Variants in CFAP20DC observed in about 807,000 individuals in gnomAD.
The protein encoded by CFAP20DC is CFAP20 domain containing.
In CFAP20DC, 84 loss-of-function variants were observed where a neutral mutation model predicts 101.7. The observed-to-expected ratio is 0.83, with a 90% CI of 0.69 to 0.99. CFAP20DC has a LOEUF of 0.99. Ranked by LOEUF, CFAP20DC falls within the 50% of genes least tolerant of loss-of-function variation. The pLI is 0.00. For synonymous variants in CFAP20DC, 359 were observed against 351.2 expected (o/e 1.02, Z -0.25); for missense variants, 1,007 against 970.3 (o/e 1.04, Z -0.50).
At chr3:58,866,468 G>A (rs1188163178) in intron 11 of CFAP20DC, 98 bp downstream of exon 11, 7 of 954,686 alleles carry the variant, frequency 7.3e-6, no homozygotes, top group Admixed American at 2.7e-5. Flanking sequence ...TTAGCAAATC[G>A]GCTGCATCAC....
intron 5 of CFAP20DC, among the ~76,000 whole-genome samples, chr3:58,932,953 G>T (rs1035834864): frequency 6.6e-6 from 1 of 152,142 alleles, no homozygotes; most frequent in African/African-American, 2.4e-5. Context: ...TGGACTAAAT[G>T]CTCCAATTAA....
At chr3:58,928,128 C>T (rs547082553) in intron 5 of CFAP20DC, among the ~76,000 whole-genome samples, 1 of 152,110 alleles carries the variant, frequency 6.6e-6, no homozygotes, top group Non-Finnish European at 1.5e-5. Flanking sequence ...TGATCACTTA[C>T]TATATGCCAT....
At chr3:58,996,069 T>C (rs1399813028) in intron 4 of CFAP20DC, among the ~76,000 whole-genome samples, 3 of 151,942 alleles carry the variant, frequency 2.0e-5, no homozygotes, top group Non-Finnish European at 4.4e-5. Flanking sequence ...TAATTACTAA[T>C]TTCATGTTAA....
Position 59,000,965 on chromosome 3 carries a change from TA to T in CFAP20DC, c.278+38591del, listed in dbSNP as rs143983377. ...TGAGAAAGTATAAAAGAAAACTTGATAGGGGGAAAAAGGAAAATGGATTTAA... is the reference window on the plus strand; with the variant it reads ...TGAGAAAGTATAAAAGAAAACTTGATGGGGGAAAAAGGAAAATGGATTTAA... On this transcript the variant is annotated intron_variant, in intron 4 of 16. Coordinates refer to ENST00000482387, the MANE Select transcript of CFAP20DC (RefSeq NM_001394063.1). 1.6e-3 allele frequency among the ~76,000 whole-genome samples: 243 copies of T among 151,964 alleles called. 5 individuals carry two copies. The East Asian group carries it at 0.033, about 20-fold the overall frequency.
chr3:59,035,536 AAACT>A (rs1247169635), intron 4 of CFAP20DC, among the ~76,000 whole-genome samples: 2 of 152,218 alleles, frequency 1.3e-5, no homozygotes, highest in Non-Finnish European at 2.9e-5. Flanking sequence ...ACAGAAAAAC[AAACT>A]ATCATCAGAG....
chr3:59,037,254 T>C (rs942787440), intron 4 of CFAP20DC, among the ~76,000 whole-genome samples: 1 of 152,028 alleles, frequency 6.6e-6, no homozygotes, highest in African/African-American at 2.4e-5. Flanking sequence ...CCAAAAGCAA[T>C]GGCAACAAAA....
intron 14 of CFAP20DC, among the ~76,000 whole-genome samples, chr3:58,807,633 A>C (rs544441329): frequency 6.6e-6 from 1 of 152,314 alleles, no homozygotes; most frequent in Admixed American, 6.5e-5. Flanking sequence ...AGAGCACAAA[A>C]ACTGGAAACT....
At chr3:58,898,189 T>G (rs1368707481) in intron 6 of CFAP20DC, among the ~76,000 whole-genome samples, 10 of 152,008 alleles carry the variant, frequency 6.6e-5, no homozygotes, top group Admixed American at 1.3e-4. Flanking sequence ...TTTTTTTTTT[T>G]TGTGAGATAG....
rs139451081 is a variant in CFAP20DC at position 58,816,563 on chromosome 3, G to A, written c.2176-10107C>T. 9.6e-3 allele frequency among the ~76,000 whole-genome samples: 1,461 copies of A among 152,268 alleles called. 20 individuals carry two copies. The highest frequency in any genetic ancestry group is 0.034 in the African/African-American group (1,406 of 41,562). On this transcript the variant is annotated intron_variant, in intron 14 of 16. Transcript: ENST00000482387. ...CTGGAAAATCGGGTGACTCCCACCC[G>A]AATATTGCACTTTTCAGACCGGCTT...
At chr3:58,762,688 T>G (rs1348921322) in intron 15 of CFAP20DC, among the ~76,000 whole-genome samples, 1 of 152,238 alleles carries the variant, frequency 6.6e-6, no homozygotes, top group Non-Finnish European at 1.5e-5. Context: ...GTTGTTCCTT[T>G]CCATGTTTAG....
At chr3:58,910,018 G>C (rs1347198116) in intron 6 of CFAP20DC, among the ~76,000 whole-genome samples, 1 of 152,080 alleles carries the variant, frequency 6.6e-6, no homozygotes, top group Non-Finnish European at 1.5e-5. Flanking sequence ...GTTAGCTGAG[G>C]ATGATGGCTT....
chr3:58,782,060 TA>T (rs1430475993), intron 15 of CFAP20DC, among the ~76,000 whole-genome samples: 6 of 151,982 alleles, frequency 3.9e-5, no homozygotes, highest in East Asian at 1.9e-4. Flanking sequence ...AACATTATAT[TA>T]AAAAAATTAA....
At chr3:59,047,335 C>A in intron 1 of CFAP20DC, 81 bp from the exon 2 acceptor site, 1 of 907,402 alleles carries the variant, frequency 1.1e-6, no homozygotes. Flanking sequence ...CCAGTGTTCC[C>A]GGCATCTGTC....
chr3:58,991,656 A>C (rs1233176017), intron 4 of CFAP20DC, among the ~76,000 whole-genome samples: 1 of 152,118 alleles, frequency 6.6e-6, no homozygotes, highest in Non-Finnish European at 1.5e-5. Flanking sequence ...CAGGCATTAG[A>C]TTCTCATAAG....
In CFAP20DC at chr3:58,795,785, C is replaced by T. The variant is rs1231518433; in HGVS notation, c.2237+10610G>A. Among the ~76,000 whole-genome samples, 3 of 152,112 alleles carry T rather than the reference C, an allele frequency of 2.0e-5. No homozygotes were observed. The highest frequency in any genetic ancestry group is 1.9e-4 in the East Asian group (1 of 5,198). ...ATGGGTTTCATAAGTTTATAATTTTCGAAAACATGACAATAACTGAAAATT... is the reference window on the plus strand; with the variant it reads ...ATGGGTTTCATAAGTTTATAATTTTTGAAAACATGACAATAACTGAAAATT... On this transcript the variant is annotated intron_variant, in intron 15 of 16. Coordinates refer to ENST00000482387, the MANE Select transcript of CFAP20DC (RefSeq NM_001394063.1). This position sits in a 1 kb window ranked among gnomAD's most constrained non-coding sequence, Gnocchi z 4.2.
At chr3:58,879,950 T>C (rs1008981379) in intron 7 of CFAP20DC, among the ~76,000 whole-genome samples, 3 of 151,912 alleles carry the variant, frequency 2.0e-5, no homozygotes, top group African/African-American at 7.3e-5. Context: ...AATTCTCGAT[T>C]TCCTTCTTAT....
intron 6 of CFAP20DC, 78 bp from the exon 7 acceptor site, chr3:58,884,787 A>T (rs1390759430): frequency 1.7e-6 from 2 of 1,196,966 alleles, no homozygotes; most frequent in Non-Finnish European, 2.4e-6. Flanking sequence ...AATGAAATCA[A>T]TTAAAATTAA....
At chr3:58,817,450 C>T (rs1375281257) in intron 14 of CFAP20DC, among the ~76,000 whole-genome samples, 4 of 147,774 alleles carry the variant, frequency 2.7e-5, no homozygotes, top group African/African-American at 5.0e-5. Flanking sequence ...CTTAAAGGAG[C>T]TGATGGAGCT....
intron 5 of CFAP20DC, among the ~76,000 whole-genome samples, chr3:58,930,260 C>T (rs1482440256): frequency 1.3e-5 from 2 of 152,184 alleles, no homozygotes; most frequent in East Asian, 3.9e-4. Context: ...ACAGTCCTCA[C>T]TAACCCTAAT....
Sources: gnomAD v4.1 joint callset for allele counts (sites outside exome capture counted in the v4.1 genomes callset) on GRCh38, gnomAD v4.1.1 for gene constraint, Gnocchi (gnomAD v3.1) non-coding constraint, MANE v1.5 for transcripts, NCBI Gene and HGNC (gene_info 2026-07-23, HGNC 2026-07-21) for gene names.